Variants in AMOTL1 observed in about 807,000 individuals in gnomAD.
AMOTL1 encodes the protein angiomotin-like protein 1.
AMOTL1 carries 45 observed loss-of-function variants against 102.9 expected under a neutral mutation model. The ratio of observed to expected loss-of-function variants is 0.44; its 90% CI spans 0.34 to 0.56. The LOEUF is 0.56. AMOTL1 is among the 20% of genes least tolerant of loss of function. The probability of loss-of-function intolerance (pLI) is 0.01; values close to 1 mark genes in which losing one functional copy is unlikely to be tolerated. For missense variants in AMOTL1, 1,114 were observed against 1,225.6 expected, an observed-to-expected ratio of 0.91 and a Z score of 1.36; for synonymous variants, 481 against 484.7, an observed-to-expected ratio of 0.99 and a Z score of 0.10.
chr11:94,767,696 A>C (rs1950872224), upstream of AMOTL1, among the ~76,000 whole-genome samples: 1 of 152,218 alleles, frequency 6.6e-6, no homozygotes, highest in African/African-American at 2.4e-5. Flanking sequence ...TTCTCAGCAC[A>C]GCCTGATTTT....
chr11:94,864,961 A>G (rs1169664773), intron 10 of AMOTL1, 101 bp downstream of exon 10: 2 of 1,410,274 alleles, frequency 1.4e-6, no homozygotes, highest in African/African-American at 2.9e-5. Context: ...GGCTGTGAGC[A>G]TGAGGTCTCC....
At chr11:94,765,177 T>A (rs1164111696), upstream of AMOTL1, among the ~76,000 whole-genome samples, 1 of 152,206 alleles carries the variant, frequency 6.6e-6, no homozygotes, top group Non-Finnish European at 1.5e-5. Context: ...TAGGAATGAG[T>A]AAATGACAAC....
At chr11:94,748,677 T>TA (rs1259302028) in intron 3 of AMOTL1, among the ~76,000 whole-genome samples, 1 of 152,226 alleles carries the variant, frequency 6.6e-6, no homozygotes, top group Non-Finnish European at 1.5e-5. Context: ...TCCTAAACTT[T>TA]AAAATCATGT....
At chr11:94,725,304 A>G (rs972894544) in intron 1 of AMOTL1, among the ~76,000 whole-genome samples, 1 of 152,138 alleles carries the variant, frequency 6.6e-6, no homozygotes, top group African/African-American at 2.4e-5. Context: ...CAGGAAGCAT[A>G]GGCAGCTTGG....
chr11:94,789,519 T>A (rs1951248504), intron 1 of AMOTL1, among the ~76,000 whole-genome samples: 1 of 152,222 alleles, frequency 6.6e-6, no homozygotes, highest in Admixed American at 6.5e-5. Context: ...CTGCTGCCTG[T>A]CAGTGCTGCC....
chr11:94,843,891 C>T (rs16921085), intron 6 of AMOTL1, among the ~76,000 whole-genome samples: 2,049 of 152,224 alleles, frequency 0.013, 45 homozygotes, highest in African/African-American at 0.047. Context: ...GGCCTCTTCA[C>T]GCGGAGGTTC....
intron 6 of AMOTL1, among the ~76,000 whole-genome samples, chr11:94,846,662 T>C (rs1952418765): frequency 6.6e-6 from 1 of 152,212 alleles, no homozygotes; most frequent in African/African-American, 2.4e-5. Context: ...AATAGTAAAC[T>C]GTGTTATAAT....
chr11:94,778,751 G>T (rs893782873), intron 1 of AMOTL1, among the ~76,000 whole-genome samples: 2 of 152,162 alleles, frequency 1.3e-5, no homozygotes, highest in Non-Finnish European at 2.9e-5. Flanking sequence ...TCTGGGGCAA[G>T]AAGACTGAGA....
chr11:94,720,106 G>A (rs1173680445), intron 1 of AMOTL1, among the ~76,000 whole-genome samples: 1 of 152,100 alleles, frequency 6.6e-6, no homozygotes, highest in African/African-American at 2.4e-5. Flanking sequence ...TTGGGGATGC[G>A]ATCCAAGGTA....
At chr11:94,720,407 T>C (rs1375940337) in intron 1 of AMOTL1, among the ~76,000 whole-genome samples, 1 of 152,064 alleles carries the variant, frequency 6.6e-6, no homozygotes, top group Non-Finnish European at 1.5e-5. Context: ...CTACTGGAGC[T>C]CCAGGAATCA....
Position 94,799,765 on chromosome 11 carries a change from A to C in AMOTL1, c.575A>C (p.Glu192Ala). 1 of 1,608,846 alleles carries C rather than the reference A, an allele frequency of 6.2e-7. No individual in the cohort carries two copies. The highest frequency in any genetic ancestry group is 8.5e-7 in the Non-Finnish European group (1 of 1,177,048). Residue 192 changes from glutamate to alanine, a missense_variant, in exon 3 of 13, where the codon GAG becomes GCG. Glu to Ala is a moderately radical substitution (Grantham distance 107, BLOSUM62 -1). Transcript: ENST00000433060. This position sits in a 1 kb window ranked among gnomAD's most constrained non-coding sequence, Gnocchi z 4.5. ...QQNNEELPTY[E>A]EAKAQSQFFR... ...AACAACGAGGAACTGCCCACTTACG[A>C]GGAGGCCAAAGCACAGTCGCAGTTC...
chr11:94,857,127 T>C (rs1015929303), intron 8 of AMOTL1, among the ~76,000 whole-genome samples: 5 of 152,250 alleles, frequency 3.3e-5, no homozygotes, highest in Admixed American at 3.3e-4. Context: ...GTCATCTTTC[T>C]GAGCCTCAAC....
intron 2 of AMOTL1, among the ~76,000 whole-genome samples, chr11:94,797,521 A>C (rs1336454551): frequency 6.6e-6 from 1 of 152,228 alleles, no homozygotes; most frequent in Non-Finnish European, 1.5e-5. Context: ...TAAATAAATA[A>C]TTGCCATCTA....
At chr11:94,770,833 G>A (rs964118502) in intron 1 of AMOTL1, among the ~76,000 whole-genome samples, 1 of 152,174 alleles carries the variant, frequency 6.6e-6, no homozygotes, top group Admixed American at 6.5e-5. Context: ...AAAGCACTCC[G>A]CTGATCAGAC....
intron 3 of AMOTL1, among the ~76,000 whole-genome samples, chr11:94,742,721 G>A (rs1453318652): frequency 2.0e-5 from 3 of 152,188 alleles, no homozygotes; most frequent in Admixed American, 1.3e-4. Context: ...AACAGATTGG[G>A]TAGTTTGTAA....
chr11:94,863,606 T>C (rs1952817840), intron 9 of AMOTL1, among the ~76,000 whole-genome samples: 1 of 151,686 alleles, frequency 6.6e-6, no homozygotes, highest in Admixed American at 6.6e-5. Context: ...AAAAAAAAAG[T>C]TTTTCAGTAT....
At position 94,848,981 on chromosome 11, in the gene AMOTL1, A is replaced by G. The variant is rs1206148326; in HGVS notation, c.1649-1133A>G. On this transcript the variant is annotated intron_variant, in intron 6 of 12. Transcript: ENST00000433060. ...TGTCGCTTCCAGACTTGGGTTCTCT[A>G]TGGTTCAGTGTGGGTTGCTAGGATT... Among the ~76,000 whole-genome samples, 9 of 152,300 alleles carry G rather than the reference A, an allele frequency of 5.9e-5. No individual in the cohort carries two copies. In the South Asian group the frequency reaches 1.7e-3, roughly 28 times the overall value.
chr11:94,869,481 G>A lies in AMOTL1; in HGVS notation c.2764+8G>A, dbSNP rs1246727507. On this transcript the variant is annotated splice_region_variant and intron_variant, in intron 12 of 12. Transcript: ENST00000433060. ...GGACCGCAGAGAAACTGGGTATGTG[G>A]GCTACCCCACCTTGATGCCCCTGAA... The A allele has an allele frequency of 9.5e-6, 15 of 1,586,182 alleles. No homozygotes were observed. Among genetic ancestry groups the A allele is most frequent in the Non-Finnish European group, 1.2e-5 (14 of 1,165,298 alleles).
intron 3 of AMOTL1, among the ~76,000 whole-genome samples, chr11:94,758,067 A>G (rs1387674037): frequency 1.3e-5 from 2 of 152,228 alleles, no homozygotes; most frequent in Non-Finnish European, 2.9e-5. Flanking sequence ...ATCTCAAAAA[A>G]ACAAAAAAGG....
Sources: allele counts gnomAD v4.1 joint callset (sites outside exome capture counted in the v4.1 genomes callset), GRCh38; gene constraint gnomAD v4.1.1; non-coding constraint Gnocchi (gnomAD v3.1); transcripts MANE v1.5; gene names NCBI Gene and HGNC (gene_info 2026-07-23, HGNC 2026-07-21).